The following C5 variants were observed in gnomAD, a reference collection of about 807,000 sequenced individuals.
C5 encodes complement C5, also known as C3 and PZP-like alpha-2-macroglobulin domain-containing protein 4.
A neutral mutation model predicts 218.8 loss-of-function variants in C5; 140 were observed. That is an observed-to-expected ratio of 0.64 (90% CI 0.56 to 0.74). C5 has a LOEUF of 0.74. Ranked by LOEUF, C5 falls within the 30% of genes least tolerant of loss-of-function variation. The pLI is 0.00. For synonymous variants in C5, 614 were observed against 682.3 expected (o/e 0.90, Z 1.56); for missense variants, 1,700 against 1,969.6 (o/e 0.86, Z 2.59).
At chr9:121,031,256 CGTT>C (rs2047471845) in intron 6 of C5, among the ~76,000 whole-genome samples, 2 of 104,010 alleles carry the variant, frequency 1.9e-5, no homozygotes, top group Non-Finnish European at 4.5e-5. Context: ...AAACTATTTA[CGTT>C]ACTTGTTAGT....
At chr9:121,069,227 G>A in the C5 span, among the ~76,000 whole-genome samples, 2 of 152,154 alleles carry the variant, frequency 1.3e-5, no homozygotes, top group African/African-American at 4.8e-5. Flanking sequence ...GAGAATGGGA[G>A]AAAATATTTG....
chr9:121,039,559 C>A (rs888798071), intron 3 of C5, among the ~76,000 whole-genome samples: 9 of 152,086 alleles, frequency 5.9e-5, no homozygotes, highest in Non-Finnish European at 1.3e-4. Flanking sequence ...ATCGCTTGAA[C>A]CTGGGAGGCG....
Position 121,043,062 on chromosome 9 carries a change from A to T in C5, c.363T>A (p.Tyr121Ter). The change falls in exon 3 of 41, where the codon TAT becomes TAA. Residue 121 changes from tyrosine (Y) to a stop codon, truncating the protein, a stop_gained. Transcript: ENST00000223642. LOFTEE classifies it high-confidence loss of function. ...TATGAATGAAGAGAAATCCATTGTCATAGGTTATTGGCATTCTTTTTGATT... is the reference window on the plus strand; with the variant it reads ...TATGAATGAAGAGAAATCCATTGTCTTAGGTTATTGGCATTCTTTTTGATT... The part of the protein sequence containing the change: ...FSKSKRMPIT[Y>*]DNGFLFIHTD... 1 of 1,613,068 alleles carries T rather than the reference A, an allele frequency of 6.2e-7. No homozygotes were observed. Among genetic ancestry groups the T allele is most frequent in the Non-Finnish European group, 8.5e-7 (1 of 1,179,220 alleles).
Position 121,020,124 on chromosome 9 carries a change from C to T in C5, c.1358G>A (p.Arg453Gln), listed in dbSNP as rs768081493. The stretch of plus-strand genomic sequence containing the variant: ...GCTGAGAGATGAGTATGCTATTGCT[C>T]GGTAACCTTCCCTGGCCTGATTTTC... The part of the protein sequence containing the change: ...PEENQAREGY[R>Q]AIAYSSLSQS... The change falls in exon 12 of 41, where the codon CGA becomes CAA. Residue 453 changes from arginine (R) to glutamine (Q), a missense_variant. By Grantham distance (43) the Arg-to-Gln change is conservative. Coordinates refer to ENST00000223642, the MANE Select transcript of C5 (RefSeq NM_001735.3). The T allele has an allele frequency of 1.1e-5, 17 of 1,613,830 alleles. No individual in the cohort carries two copies. Among genetic ancestry groups the T allele is most frequent in the African/African-American group, 2.7e-5 (2 of 74,876 alleles).
chr9:120,971,822 G>T (rs1262473652), intron 31 of C5, 108 bp downstream of exon 31: 4 of 801,186 alleles, frequency 5.0e-6, no homozygotes, highest in Non-Finnish European at 8.7e-6. Context: ...TTTAGTCATG[G>T]TTACCCAAGC....
chr9:121,006,834 T>C (rs2047219571), intron 19 of C5, 70 bp downstream of exon 19: 4 of 1,081,870 alleles, frequency 3.7e-6, no homozygotes, highest in South Asian at 1.3e-5. Flanking sequence ...ACTAAATAGA[T>C]ACTAACAAAG....
intron 3 of C5, 59 bp from the exon 4 acceptor site, chr9:121,038,010 T>G (rs1246006035): frequency 5.1e-6 from 4 of 791,438 alleles, no homozygotes; most frequent in African/African-American, 1.8e-5. Context: ...TTTTGATTTT[T>G]TAAAACAACC....
chr9:120,981,502 A>G (rs1190675985), intron 27 of C5, among the ~76,000 whole-genome samples: 1 of 152,232 alleles, frequency 6.6e-6, no homozygotes, highest in Non-Finnish European at 1.5e-5. Flanking sequence ...TTTAGCAAAG[A>G]TAAGACAGAG....
chr9:121,023,380 C>A lies in C5; in HGVS notation c.1116+24G>T, dbSNP rs188948750. The A allele has an allele frequency of 1.9e-3, 2,523 of 1,340,684 alleles. 5 individuals carry two copies. Among genetic ancestry groups the A allele is most frequent in the Non-Finnish European group, 2.4e-3 (2,225 of 930,684 alleles). 83.0% of individuals were successfully genotyped at this position (1,340,684 alleles called of 1,614,324 possible). A position where few individuals can be genotyped will look rare whatever the true frequency, so the allele number is the denominator to read the frequency against. ...AGAACAAGATGATCATATGTAGCAA[C>A]GTCTACCCCCTCACCCAATCTACCT... On this transcript the variant is annotated intron_variant, in intron 10 of 40. Transcript: ENST00000223642.
intron 3 of C5, among the ~76,000 whole-genome samples, chr9:121,041,424 C>T (rs2047579732): frequency 6.6e-6 from 1 of 151,134 alleles, no homozygotes; most frequent in Non-Finnish European, 1.5e-5. Context: ...CCTGCCTCAG[C>T]CTCCAGAGTA....
Position 120,952,676 on chromosome 9 carries a change from A to G in C5, c.*63T>C, listed in dbSNP as rs929196533. ...ATGTTTAAAAAAAGAAGAAAACAAA[A>G]AAACGAACTTCAACAACAGGAGTCC... is the stretch of plus-strand genomic sequence containing the variant. On this transcript the variant is annotated 3_prime_UTR_variant, in exon 41 of 41. Transcript: ENST00000223642. The G allele has an allele frequency of 6.3e-7, 1 of 1,581,072 alleles. No homozygotes were observed.
chr9:121,071,798 A>C, the C5 span, among the ~76,000 whole-genome samples: 3 of 152,224 alleles, frequency 2.0e-5, no homozygotes, highest in African/African-American at 7.2e-5. Context: ...CAAATTCGCA[A>C]AATGATTAAA....
intron 20 of C5, among the ~76,000 whole-genome samples, chr9:120,998,299 A>T (rs1189090914): frequency 1.3e-5 from 2 of 152,260 alleles, no homozygotes; most frequent in Non-Finnish European, 1.5e-5. Flanking sequence ...AAAAGTCAAC[A>T]CTGTCTCAGA....
In C5 at chr9:121,015,180, C is replaced by T; in HGVS notation, c.2059+19G>A. 1 of 1,532,104 alleles carries T rather than the reference C, an allele frequency of 6.5e-7. No individual in the cohort carries two copies. Among genetic ancestry groups the T allele is most frequent in the Non-Finnish European group, 9.0e-7 (1 of 1,107,168 alleles). 94.9% of individuals were successfully genotyped at this position (1,532,104 alleles called of 1,614,324 possible). A position where few individuals can be genotyped will look rare whatever the true frequency, so the allele number is the denominator to read the frequency against. On this transcript the variant is annotated intron_variant, in intron 16 of 40. Transcript: ENST00000223642. ...GATATGACCATAACCTTTTTACAAT[C>T]ACATGAATCTTACAGTACCTATTTC...
In C5 at chr9:121,023,407, G is replaced by A. The variant is rs1292679090; in HGVS notation, c.1113C>T (p.Ile371=). 1 of 1,576,430 alleles carries A rather than the reference G, an allele frequency of 6.3e-7. No individual in the cohort carries two copies. The highest frequency in any genetic ancestry group is 2.2e-5 in the East Asian group (1 of 44,692). ...TCTACCCCCTCACCCAATCTACCTTGATGGGATATGGAATCCCAGGCTTCA... is the reference window on the plus strand; with the variant it reads ...TCTACCCCCTCACCCAATCTACCTTAATGGGATATGGAATCCCAGGCTTCA... ...LFLKPGIPYP[I]KVQVKDSLDQ... Residue 371 remains isoleucine (I), a synonymous_variant, in exon 10 of 41, where the codon ATC becomes ATT. Coordinates refer to ENST00000223642, the MANE Select transcript of C5 (RefSeq NM_001735.3).
rs143840189 is a variant in C5 at position 121,008,484 on chromosome 9, A to G, written c.2272T>C (p.Leu758=). 1.3e-5 allele frequency: 21 copies of G among 1,613,114 alleles called. No individual in the cohort carries two copies. In the African/African-American group the frequency reaches 2.7e-4, roughly 20 times the overall value. ...CGAATTTCTGGCTTGCTTACTGGTA[A>G]CAGGGTCTTCATGTCTGGACAAAAA... The part of the protein sequence containing the change: ...QLGRLHMKTL[L]PVSKPEIRSY... Residue 758 remains leucine, a synonymous_variant, in exon 18 of 41, where the codon TTA becomes CTA. Coordinates refer to ENST00000223642, the MANE Select transcript of C5 (RefSeq NM_001735.3).
intron 30 of C5, among the ~76,000 whole-genome samples, chr9:120,972,749 A>G (rs1291623688): frequency 6.6e-6 from 1 of 152,186 alleles, no homozygotes; most frequent in Non-Finnish European, 1.5e-5. Flanking sequence ...CCTTTACTCC[A>G]AGCCTCCCCT....
At chr9:120,986,807 A>G (rs933649511) in intron 25 of C5, among the ~76,000 whole-genome samples, 2 of 152,104 alleles carry the variant, frequency 1.3e-5, no homozygotes, top group Non-Finnish European at 2.9e-5. Context: ...GGGTCTCCCT[A>G]TGTTACCCAG....
chr9:121,073,124 T>G, the C5 span, among the ~76,000 whole-genome samples: 1 of 152,212 alleles, frequency 6.6e-6, no homozygotes, highest in Non-Finnish European at 1.5e-5. Flanking sequence ...AAAAATGAAG[T>G]GCCTAATACT....
Sources: gnomAD v4.1 joint callset for allele counts (sites outside exome capture counted in the v4.1 genomes callset) on GRCh38, gnomAD v4.1.1 for gene constraint, MANE v1.5 for transcripts, NCBI Gene and HGNC (gene_info 2026-07-23, HGNC 2026-07-21) for gene names.